UBE2E2: variants seen among roughly 807,000 people sequenced by gnomAD.
UBE2E2 encodes the protein ubiquitin conjugating enzyme E2 E2.
In UBE2E2, 6 loss-of-function variants were observed where a neutral mutation model predicts 24.7. The ratio of observed to expected loss-of-function variants is 0.24; its 90% CI spans 0.13 to 0.48. UBE2E2 has a LOEUF of 0.48. UBE2E2 is among the 20% of genes least tolerant of loss of function. The pLI, the probability that UBE2E2 is intolerant of heterozygous loss-of-function variation, is 0.99. For synonymous variants in UBE2E2, 104 were observed against 83.6 expected, an observed-to-expected ratio of 1.24 and a Z score of -1.33; for missense variants, 169 against 245.0, an observed-to-expected ratio of 0.69 and a Z score of 2.07.
chr3:23,208,180 G>T (rs1340488235), intron 1 of UBE2E2, among the ~76,000 whole-genome samples: 1 of 152,076 alleles, frequency 6.6e-6, no homozygotes, highest in Non-Finnish European at 1.5e-5. Flanking sequence ...AAACATTGGG[G>T]ATTACAGGCG....
intron 4 of UBE2E2, among the ~76,000 whole-genome samples, chr3:23,519,335 A>G (rs1406995338): frequency 3.3e-5 from 5 of 152,110 alleles, no homozygotes; most frequent in Admixed American, 3.3e-4. Flanking sequence ...AAATCATCAC[A>G]TAGTATTAGT....
chr3:23,398,989 C>T (rs1202151244), intron 3 of UBE2E2, among the ~76,000 whole-genome samples: 1 of 152,018 alleles, frequency 6.6e-6, no homozygotes, highest in African/African-American at 2.4e-5. Context: ...GTTCCAAGAC[C>T]CCAGTGGATG....
intron 3 of UBE2E2, among the ~76,000 whole-genome samples, chr3:23,361,940 T>A (rs547550858): frequency 1.2e-4 from 19 of 152,350 alleles, no homozygotes; most frequent in Non-Finnish European, 2.1e-4. Context: ...TATAATCTTA[T>A]GTAATTTAAA....
At chr3:23,219,962 T>C (rs1410755567) in intron 3 of UBE2E2, among the ~76,000 whole-genome samples, 2 of 152,168 alleles carry the variant, frequency 1.3e-5, no homozygotes, top group East Asian at 3.8e-4. Flanking sequence ...TTTGTCAGGT[T>C]AGATGGAACC....
chr3:23,485,493 A>G (rs1699346726), intron 3 of UBE2E2, among the ~76,000 whole-genome samples: 1 of 152,138 alleles, frequency 6.6e-6, no homozygotes, highest in South Asian at 2.1e-4. Flanking sequence ...TTCTTCTTGA[A>G]CAGGTCTGAC....
chr3:23,208,248 A>G (rs900837371), intron 1 of UBE2E2, among the ~76,000 whole-genome samples: 8 of 152,150 alleles, frequency 5.3e-5, no homozygotes, highest in African/African-American at 1.2e-4. Context: ...CATTTCATAT[A>G]AATAGTCAAA....
At chr3:23,256,298 T>C (rs992123537) in intron 3 of UBE2E2, among the ~76,000 whole-genome samples, 1 of 152,356 alleles carries the variant, frequency 6.6e-6, no homozygotes, top group East Asian at 1.9e-4. Flanking sequence ...ATGATGATTG[T>C]TTATTTTAGC....
At chr3:23,204,781 C>G in intron 1 of UBE2E2, 1 of 980,046 alleles carries the variant, frequency 1.0e-6, no homozygotes. Context: ...TGTGCATATA[C>G]TATATATTTA....
At chr3:23,291,944 C>T (rs142808066) in intron 3 of UBE2E2, among the ~76,000 whole-genome samples, 1,652 of 148,896 alleles carry the variant, frequency 0.011, 24 homozygotes, top group African/African-American at 0.037. Context: ...CTGCAGGCTC[C>T]ACCTCCTGGG....
intron 3 of UBE2E2, among the ~76,000 whole-genome samples, chr3:23,306,604 C>T (rs992712868): frequency 8.5e-5 from 13 of 152,088 alleles, no homozygotes; most frequent in Non-Finnish European, 1.3e-4. Context: ...CTGCAAATGT[C>T]GATATTGCTT....
chr3:23,511,493 G>A (rs1018424257), intron 4 of UBE2E2, among the ~76,000 whole-genome samples: 11 of 152,174 alleles, frequency 7.2e-5, no homozygotes, highest in Non-Finnish European at 1.5e-4. Flanking sequence ...AATAGATCTG[G>A]AGTTCAGGTG....
chr3:23,587,104 GA>G (rs534424243), intron 5 of UBE2E2, among the ~76,000 whole-genome samples: 2 of 151,638 alleles, frequency 1.3e-5, no homozygotes, highest in Non-Finnish European at 2.9e-5. Context: ...TTTACAGGTG[GA>G]AAAAAAATTT....
chr3:23,397,035 C>T (rs1697095979), intron 3 of UBE2E2, among the ~76,000 whole-genome samples: 1 of 152,110 alleles, frequency 6.6e-6, no homozygotes, highest in African/African-American at 2.4e-5. Flanking sequence ...GACACTTTTC[C>T]AGTGTATGAT....
At chr3:23,373,646 G>A (rs973085587) in intron 3 of UBE2E2, among the ~76,000 whole-genome samples, 4 of 152,214 alleles carry the variant, frequency 2.6e-5, no homozygotes, top group African/African-American at 9.6e-5. Flanking sequence ...AGGTGAATGG[G>A]GAGTGTAATA....
rs1695767956 is a variant in UBE2E2, at chr3:23,351,940, GCACCA to G, written c.227+134638_227+134642del. Reference sequence around the variant, plus strand: ...ATCAACAGAATATACATTTTTTTCAGCACCACACCACACCTATTGCAAAATTGACC... The same window carrying G: ...ATCAACAGAATATACATTTTTTTCAGCACCACACCTATTGCAAAATTGACC... On this transcript the variant is annotated intron_variant, in intron 3 of 5. Coordinates refer to ENST00000396703, the MANE Select transcript of UBE2E2 (RefSeq NM_152653.4). Among the ~76,000 whole-genome samples the G allele has an allele frequency of 3.3e-5, 5 of 152,132 alleles. No homozygotes were observed. The South Asian group carries it at 1.0e-3, about 32-fold the overall frequency.
intron 3 of UBE2E2, among the ~76,000 whole-genome samples, chr3:23,410,504 A>G (rs1344604108): frequency 1.3e-5 from 2 of 152,176 alleles, no homozygotes; most frequent in Non-Finnish European, 2.9e-5. Context: ...GTTTTTATGA[A>G]TGTTCTAATA....
chr3:23,342,272 G>A (rs1261608759), intron 3 of UBE2E2, among the ~76,000 whole-genome samples: 3 of 150,712 alleles, frequency 2.0e-5, no homozygotes, highest in Non-Finnish European at 3.0e-5. Context: ...GCAGCCTCAA[G>A]CCCCTGGGCC....
At chr3:23,535,823 G>A (rs1005074520) in intron 5 of UBE2E2, among the ~76,000 whole-genome samples, 3 of 151,904 alleles carry the variant, frequency 2.0e-5, no homozygotes, top group Admixed American at 6.6e-5. Flanking sequence ...AGGCTTCACC[G>A]TGTTAGCCAG....
At chr3:23,270,744 C>G (rs1698218398) in intron 3 of UBE2E2, among the ~76,000 whole-genome samples, 2 of 152,202 alleles carry the variant, frequency 1.3e-5, no homozygotes, top group Admixed American at 6.5e-5. Context: ...AGAAAGTGCT[C>G]TGTCAGGTCT....
Sources: gnomAD v4.1 joint callset for allele counts (sites outside exome capture counted in the v4.1 genomes callset) on GRCh38, gnomAD v4.1.1 for gene constraint, MANE v1.5 for transcripts, NCBI Gene and HGNC (gene_info 2026-07-23, HGNC 2026-07-21) for gene names.